SPTBN1: variants seen among roughly 807,000 people sequenced by gnomAD.
The protein encoded by SPTBN1 is spectrin beta, non-erythrocytic 1.
In SPTBN1, 32 loss-of-function variants were observed where a neutral mutation model predicts 266.4. The observed-to-expected ratio is 0.12, with a 90% CI of 0.09 to 0.16. The LOEUF (loss-of-function observed/expected upper bound fraction) is 0.16, where lower values mean the gene tolerates loss of function less well. Ranked by LOEUF, SPTBN1 falls within the 10% of genes least tolerant of loss-of-function variation. SPTBN1 has a pLI of 1.00. For missense variants in SPTBN1, 2,296 were observed against 3,067.1 expected, an observed-to-expected ratio of 0.75 and a Z score of 5.94; for synonymous variants, 1,336 against 1,162.2, an observed-to-expected ratio of 1.15 and a Z score of -3.04.
intron 28 of SPTBN1, 22 bp from the exon 29 acceptor site, chr2:54,655,892 G>A (rs771400290): frequency 9.4e-6 from 15 of 1,593,532 alleles, no homozygotes; most frequent in African/African-American, 1.3e-5. Context: ...AAGATGTCCC[G>A]GGGATCCTCT....
At chr2:54,627,200 C>G (rs929443594) in intron 12 of SPTBN1, among the ~76,000 whole-genome samples, 2 of 152,160 alleles carry the variant, frequency 1.3e-5, no homozygotes, top group Non-Finnish European at 2.9e-5. Context: ...TCCTATTGTT[C>G]CAGATTTACA....
Position 54,533,274 on chromosome 2 carries a change from C to T in SPTBN1, c.148+6708C>T, listed in dbSNP as rs984391486. Among the ~76,000 whole-genome samples the T allele has an allele frequency of 6.6e-6, 1 of 151,632 alleles. No individual in the cohort carries two copies. On this transcript the variant is annotated intron_variant, in intron 2 of 35. Coordinates refer to ENST00000356805, the MANE Select transcript of SPTBN1 (RefSeq NM_003128.3). The surrounding 1 kb of genome is among the most constrained non-coding windows in gnomAD (Gnocchi z 4.2). ...TGAATTGCCTATTTCTTCAGTTTTT[C>T]ATTTCATATTTCCAGACCATGGTTG...
rs1337468343 is a variant in SPTBN1 at position 54,629,979 on chromosome 2, C to A, written c.2757C>A (p.Gly919=). 6.2e-7 allele frequency: 1 copy of A among 1,614,114 alleles called. No homozygotes were observed. Among genetic ancestry groups the A allele is most frequent in the Admixed American group, 1.7e-5 (1 of 60,030 alleles). ...TTGCACGCCAGCTGATGCACAGCGGCCACCCAAGTGAGAAGGAAATCAAAG... is the reference window on the plus strand; with the variant it reads ...TTGCACGCCAGCTGATGCACAGCGGACACCCAAGTGAGAAGGAAATCAAAG... The part of the protein sequence containing the change: ...NQIARQLMHS[G]HPSEKEIKAQ... Residue 919 remains glycine, a synonymous_variant, in exon 15 of 36, where the codon GGC becomes GGA. Coordinates refer to ENST00000356805, the MANE Select transcript of SPTBN1 (RefSeq NM_003128.3).
chr2:54,631,043 C>G lies in SPTBN1; in HGVS notation c.2996C>G (p.Thr999Ser). The change falls in exon 16 of 36, where the codon ACC (threonine) becomes AGC (serine). Residue 999 changes from threonine to serine, a missense_variant. Transcript: ENST00000356805. ...AGVMALQRKL[T>S]GMERDLVAIE... The stretch of plus-strand genomic sequence containing the variant: ...GTCATGGCCCTGCAGCGCAAGCTGA[C>G]CGGCATGGAGCGGGACTTGGTGGCC... 6.2e-7 allele frequency: 1 copy of G among 1,613,878 alleles called. No individual in the cohort carries two copies. The highest frequency in any genetic ancestry group is 8.5e-7 in the Non-Finnish European group (1 of 1,179,806).
At chr2:54,552,903 T>C (rs1000546815) in intron 2 of SPTBN1, among the ~76,000 whole-genome samples, 2 of 152,196 alleles carry the variant, frequency 1.3e-5, no homozygotes, top group African/African-American at 2.4e-5. Flanking sequence ...GGAGGGGAAG[T>C]GCTCCTGACT....
At chr2:54,590,843 G>A (rs972565170) in intron 2 of SPTBN1, among the ~76,000 whole-genome samples, 1 of 152,162 alleles carries the variant, frequency 6.6e-6, no homozygotes. Flanking sequence ...CAGAGATTTG[G>A]ACTGTCTTCT....
chr2:54,490,795 AT>A (rs2104012401), intron 1 of SPTBN1, among the ~76,000 whole-genome samples: 1 of 152,254 alleles, frequency 6.6e-6, no homozygotes, highest in East Asian at 1.9e-4. Flanking sequence ...AGTTGGAAAG[AT>A]TAAGGTGTGG....
intron 20 of SPTBN1, 114 bp downstream of exon 20, chr2:54,644,700 T>G: frequency 7.2e-7 from 1 of 1,382,858 alleles, no homozygotes; most frequent in Non-Finnish European, 9.8e-7. Flanking sequence ...GGGAAGGCAT[T>G]TTTAACCCAA....
chr2:54,653,523 G>T lies in SPTBN1; in HGVS notation c.5578-86G>T. 1.9e-6 allele frequency: 3 copies of T among 1,545,888 alleles called. No homozygotes were observed. Among genetic ancestry groups the T allele is most frequent in the South Asian group, 1.2e-5 (1 of 82,352 alleles). ...ATTTTGACTCTGTGCTCCCTTTAGT[G>T]TATGAGCAGAACAGAATAGGGCTTG... On this transcript the variant is annotated intron_variant, in intron 26 of 35. Transcript: ENST00000356805. This position sits in a 1 kb window ranked among gnomAD's most constrained non-coding sequence, Gnocchi z 5.1.
chr2:54,614,238 A>C (rs566075314), intron 4 of SPTBN1, among the ~76,000 whole-genome samples: 1 of 152,180 alleles, frequency 6.6e-6, no homozygotes, highest in Non-Finnish European at 1.5e-5. Context: ...TGAATCAGCC[A>C]AGGCCCAGCT....
rs369227418 is a variant in SPTBN1 at position 54,653,699 on chromosome 2, C to T, written c.5668C>T (p.Leu1890=). ...DDIQKRENEV[L]EAWKSLLDAC... is the part of the protein sequence containing the mutation. Reference sequence around the variant, plus strand: ...TATCCAGAAGCGCGAGAACGAGGTCCTGGAAGCCTGGAAGTCCCTCCTGGA... The same window carrying T: ...TATCCAGAAGCGCGAGAACGAGGTCTTGGAAGCCTGGAAGTCCCTCCTGGA... Residue 1890 remains leucine (L), a synonymous_variant, in exon 27 of 36, where the codon CTG becomes TTG. Transcript: ENST00000356805. The surrounding 1 kb of genome is among the most constrained non-coding windows in gnomAD (Gnocchi z 5.1). 9 of 1,614,078 alleles carry T rather than the reference C, an allele frequency of 5.6e-6. No homozygotes were observed. The African/African-American group carries it at 9.3e-5, about 17-fold the overall frequency.
chr2:54,481,388 CTGAGTGTGTG>C (rs1304619868), intron 1 of SPTBN1, among the ~76,000 whole-genome samples: 3 of 116,354 alleles, frequency 2.6e-5, no homozygotes, highest in African/African-American at 1.1e-4. Context: ...CTGCAGAAAC[CTGAGTGTGTG>C]TGTGTGTGTG....
chr2:54,639,852 G>A lies in SPTBN1; in HGVS notation c.3858+2049G>A, dbSNP rs535270071. On this transcript the variant is annotated intron_variant, in intron 18 of 35. Transcript: ENST00000356805. ...CCTCAAAGGACACAGGAAAGTTTGGGTGGGGCTTTTTATGTCCAGGAGATG... is the reference window on the plus strand; with the variant it reads ...CCTCAAAGGACACAGGAAAGTTTGGATGGGGCTTTTTATGTCCAGGAGATG... 4.6e-5 allele frequency among the ~76,000 whole-genome samples: 7 copies of A among 152,320 alleles called. No individual in the cohort carries two copies. In the South Asian group the frequency reaches 1.5e-3, roughly 32 times the overall value.
chr2:54,616,839 T>C (rs1318978432), intron 5 of SPTBN1, among the ~76,000 whole-genome samples: 1 of 152,244 alleles, frequency 6.6e-6, no homozygotes, highest in Non-Finnish European at 1.5e-5. Context: ...TTTAAGGTCA[T>C]AGGTACTTAC....
At chr2:54,508,248 G>A (rs1280597441) in intron 1 of SPTBN1, among the ~76,000 whole-genome samples, 1 of 152,162 alleles carries the variant, frequency 6.6e-6, no homozygotes. Context: ...TGACCACGGT[G>A]GCCTTCTTAG....
intron 1 of SPTBN1, among the ~76,000 whole-genome samples, chr2:54,514,279 A>G (rs1433388373): frequency 6.6e-6 from 1 of 152,230 alleles, no homozygotes. Context: ...TATTTGGCAG[A>G]ATGTTTTAAA....
At chr2:54,458,815 G>C (rs1287569169) in intron 1 of SPTBN1, among the ~76,000 whole-genome samples, 1 of 152,220 alleles carries the variant, frequency 6.6e-6, no homozygotes, top group Non-Finnish European at 1.5e-5. Context: ...ATGCTAGTTG[G>C]AAGGGAAGGT....
In SPTBN1 at chr2:54,626,018, G is replaced by A. The variant is rs1371475072; in HGVS notation, c.1428G>A (p.Glu476=). 9 of 1,614,230 alleles carry A rather than the reference G, an allele frequency of 5.6e-6. No homozygotes were observed. The highest frequency in any genetic ancestry group is 4.2e-6 in the Non-Finnish European group (5 of 1,180,046). Residue 476 remains glutamate (E), a synonymous_variant, in exon 12 of 36, where the codon GAG becomes GAA. Transcript: ENST00000356805. The surrounding 1 kb of genome is among the most constrained non-coding windows in gnomAD (Gnocchi z 4.7). The stretch of plus-strand genomic sequence containing the variant: ...AGACAGACATTGCCGCATACGAGGA[G>A]CGTGTGCAGGCTGTGGTAGCCGTGG... ...AIETDIAAYE[E]RVQAVVAVAR...
intron 10 of SPTBN1, among the ~76,000 whole-genome samples, chr2:54,624,025 A>G (rs1046408672): frequency 7.9e-5 from 12 of 152,260 alleles, no homozygotes; most frequent in African/African-American, 2.9e-4. Context: ...CATCATGCCT[A>G]TTATGCCTGC....
Sources: gnomAD v4.1 joint callset for allele counts (sites outside exome capture counted in the v4.1 genomes callset) on GRCh38, gnomAD v4.1.1 for gene constraint, Gnocchi (gnomAD v3.1) non-coding constraint, MANE v1.5 for transcripts, NCBI Gene and HGNC (gene_info 2026-07-23, HGNC 2026-07-21) for gene names.